NUTF2: variants seen among roughly 807,000 people sequenced by gnomAD.
NUTF2 encodes placental protein 15.
In NUTF2, 3 loss-of-function variants were observed where a neutral mutation model predicts 18.5. The ratio of observed to expected loss-of-function variants is 0.16; its 90% confidence interval spans 0.07 to 0.42. NUTF2 has a LOEUF of 0.42. Ranked by LOEUF, NUTF2 falls within the 10% of genes least tolerant of loss-of-function variation. The pLI is 0.99. For synonymous variants in NUTF2, 51 were observed against 57.9 expected (o/e 0.88, Z 0.54); for missense variants, 44 against 160.7 (o/e 0.27, Z 3.93).
intron 2 of NUTF2, among the ~76,000 whole-genome samples, chr16:67,867,830 G>A (rs2057984095): frequency 6.6e-6 from 1 of 152,204 alleles, no homozygotes; most frequent in African/African-American, 2.4e-5. Context: ...TGGGATTACA[G>A]GCGTGCGCCA....
chr16:67,869,714 G>A (rs532169659), intron 4 of NUTF2, among the ~76,000 whole-genome samples: 1 of 152,270 alleles, frequency 6.6e-6, no homozygotes, highest in East Asian at 1.9e-4. Flanking sequence ...GAACCTGGGA[G>A]GCAGAGGTTG....
At chr16:67,860,145 A>G (rs1182168849) in intron 1 of NUTF2, among the ~76,000 whole-genome samples, 4 of 151,410 alleles carry the variant, frequency 2.6e-5, no homozygotes, top group Non-Finnish European at 2.9e-5. Flanking sequence ...ACGCCCAGCT[A>G]ATTTTTTGTA....
chr16:67,863,126 C>G (rs953503327), intron 1 of NUTF2, among the ~76,000 whole-genome samples: 3 of 152,134 alleles, frequency 2.0e-5, no homozygotes, highest in Non-Finnish European at 4.4e-5. Context: ...GTGAGTACAG[C>G]CAGTGTCTGA....
At chr16:67,851,436 G>A (rs2057856672) in intron 1 of NUTF2, among the ~76,000 whole-genome samples, 1 of 151,792 alleles carries the variant, frequency 6.6e-6, no homozygotes, top group Non-Finnish European at 1.5e-5. Flanking sequence ...AGCCAAGATT[G>A]TGCCACTGCA....
chr16:67,858,342 A>G (rs768868263), intron 1 of NUTF2, among the ~76,000 whole-genome samples: 9 of 151,752 alleles, frequency 5.9e-5, no homozygotes, highest in Non-Finnish European at 1.2e-4. Flanking sequence ...TAGTTTTTGT[A>G]TTTTTAGTAG....
intron 2 of NUTF2, among the ~76,000 whole-genome samples, chr16:67,866,378 C>T (rs904995442): frequency 9.3e-5 from 14 of 150,178 alleles, no homozygotes; most frequent in African/African-American, 3.4e-4. Context: ...GTGATCTCAG[C>T]TCACTGCAAC....
chr16:67,868,480 C>T, intron 3 of NUTF2, 21 bp from the exon 4 acceptor site: 1 of 1,613,994 alleles, frequency 6.2e-7, no homozygotes, highest in Non-Finnish European at 8.5e-7. Flanking sequence ...GTTCTCCCAC[C>T]TCCCACTCTC....
intron 4 of NUTF2, among the ~76,000 whole-genome samples, chr16:67,869,607 G>A (rs1384160413): frequency 2.6e-5 from 4 of 151,390 alleles, no homozygotes; most frequent in Non-Finnish European, 5.9e-5. Flanking sequence ...CCAACATGGA[G>A]AAACCCTGTC....
At chr16:67,867,260 C>T (rs62059357) in intron 2 of NUTF2, among the ~76,000 whole-genome samples, 2,094 of 152,372 alleles carry the variant, frequency 0.014, 33 homozygotes, top group Non-Finnish European at 0.021. Context: ...GTGTGAGCCA[C>T]TGCACCTGGC....
chr16:67,859,861 C>T (rs1486166103), intron 1 of NUTF2, among the ~76,000 whole-genome samples: 2 of 132,586 alleles, frequency 1.5e-5, no homozygotes, highest in Admixed American at 8.7e-5. Flanking sequence ...GCTAGAATGC[C>T]GTGGGTCGTT....
rs889399797 is a variant in NUTF2, at chr16:67,864,053, C to G, written c.-29-1049C>G. Among the ~76,000 whole-genome samples, 8 of 152,336 alleles carry G rather than the reference C, an allele frequency of 5.3e-5. No individual in the cohort carries two copies. In the East Asian group the frequency reaches 1.2e-3, roughly 22 times the overall value. ...CATCCCCTCTTCCCACAACCCTCAGCTTTCCCTCTGATCCTTGAACTCATG... is the reference window on the plus strand; with the variant it reads ...CATCCCCTCTTCCCACAACCCTCAGGTTTCCCTCTGATCCTTGAACTCATG... On this transcript the variant is annotated intron_variant, in intron 1 of 4. Transcript: ENST00000219169.
At chr16:67,849,381 AC>A (rs1255350039) in intron 1 of NUTF2, among the ~76,000 whole-genome samples, 5 of 152,178 alleles carry the variant, frequency 3.3e-5, no homozygotes, top group African/African-American at 4.8e-5. Context: ...TCTCTCTGTC[AC>A]CCAGGCTGGA....
intron 1 of NUTF2, among the ~76,000 whole-genome samples, chr16:67,852,013 T>C (rs1046886380): frequency 2.0e-5 from 3 of 151,196 alleles, no homozygotes; most frequent in Non-Finnish European, 2.9e-5. Flanking sequence ...CGAAACTCCA[T>C]CTTGAAAAAA....
At chr16:67,855,244 C>T (rs2151295789) in intron 1 of NUTF2, among the ~76,000 whole-genome samples, 1 of 152,188 alleles carries the variant, frequency 6.6e-6, no homozygotes, top group African/African-American at 2.4e-5. Context: ...TTTTCCTCAC[C>T]CTATCAGCTG....
intron 1 of NUTF2, among the ~76,000 whole-genome samples, chr16:67,851,048 G>A (rs1215738377): frequency 1.3e-5 from 2 of 151,884 alleles, no homozygotes; most frequent in African/African-American, 4.8e-5. Flanking sequence ...TGACCCACTC[G>A]CCTTGGCTGC....
intron 1 of NUTF2, among the ~76,000 whole-genome samples, chr16:67,856,439 C>T (rs1425802066): frequency 2.6e-5 from 4 of 151,518 alleles, no homozygotes; most frequent in Non-Finnish European, 5.9e-5. Flanking sequence ...ATCCACCTGC[C>T]TCGGCCTCCC....
intron 4 of NUTF2, 87 bp downstream of exon 4, chr16:67,868,686 T>C (rs1436556958): frequency 2.5e-6 from 3 of 1,220,286 alleles, no homozygotes; most frequent in African/African-American, 1.5e-5. Flanking sequence ...GTGACCTGCT[T>C]ATCTAGGGAC....
intron 2 of NUTF2, 86 bp from the exon 3 acceptor site, chr16:67,868,254 C>A: frequency 8.2e-7 from 1 of 1,225,974 alleles, no homozygotes. Flanking sequence ...CTTCTCCAAG[C>A]AAGGCCCTTT....
chr16:67,859,000 C>CT (rs200602282), intron 1 of NUTF2, among the ~76,000 whole-genome samples: 27 of 146,716 alleles, frequency 1.8e-4, no homozygotes, highest in East Asian at 6.0e-4. Context: ...CTATGTCCAG[C>CT]TTTTTTTTTT....
Sources: gnomAD v4.1 joint callset for allele counts (sites outside exome capture counted in the v4.1 genomes callset) on GRCh38, gnomAD v4.1.1 for gene constraint, MANE v1.5 for transcripts, NCBI Gene and HGNC (gene_info 2026-07-23, HGNC 2026-07-21) for gene names.